Variants in EPB41L1 observed in about 807,000 individuals in gnomAD.
EPB41L1 encodes the protein band 4.1-like protein 1.
A neutral mutation model predicts 97.8 loss-of-function variants in EPB41L1; 29 were observed. The observed-to-expected ratio is 0.30, with a 90% CI of 0.22 to 0.40. EPB41L1 has a LOEUF of 0.40. Among genes scored for constraint, EPB41L1 ranks in the 10% least tolerant of loss-of-function variants. The pLI is 1.00. For missense variants in EPB41L1, 812 were observed against 1,162.3 expected, an observed-to-expected ratio of 0.70 and a Z score of 4.38; for synonymous variants, 383 against 459.2, an observed-to-expected ratio of 0.83 and a Z score of 2.12.
chr20:36,156,385 T>C (rs745892072), intron 1 of EPB41L1, among the ~76,000 whole-genome samples: 2 of 152,224 alleles, frequency 1.3e-5, no homozygotes, highest in Non-Finnish European at 2.9e-5. Flanking sequence ...GAAGAGCTTC[T>C]TCCATAGAAT....
In EPB41L1 at chr20:36,197,933, G is replaced by A. The variant is rs2062290866; in HGVS notation, c.1560G>A (p.Glu520=). ...SINELKRTLK[E]PNSKLIHRDR... ...ATGAGCTCAAAAGGACCCTGAAGGA[G>A]CCCAACAGCAAACTCATCCACCGGG... The change falls in exon 14 of 22, where the codon GAG becomes GAA. Residue 520 remains glutamate (E), a synonymous_variant. Transcript: ENST00000338074. 2 of 1,614,138 alleles carry A rather than the reference G, an allele frequency of 1.2e-6. No individual in the cohort carries two copies. Among genetic ancestry groups the A allele is most frequent in the Admixed American group, 3.3e-5 (2 of 60,028 alleles).
At position 36,173,892 on chromosome 20, in the gene EPB41L1, CA is replaced by C; in HGVS notation, c.116del (p.His39ProfsTer23). 6.2e-7 allele frequency: 1 copy of C among 1,614,004 alleles called. No homozygotes were observed. Among genetic ancestry groups the C allele is most frequent in the Non-Finnish European group, 8.5e-7 (1 of 1,179,946 alleles). ...CCCTGTGACCCCTGCAGGCCACGGC[CA>C]CCCAGAGGCCAACTCCAATGAGAAG... ...TTPVTPAGHG[H>X]PEANSNEKHP... On this transcript the variant is annotated frameshift_variant, in exon 2 of 22. Transcript: ENST00000338074. LOFTEE classifies it high-confidence loss of function.
chr20:36,147,731 G>GAC (rs1177214079), intron 2 of EPB41L1, among the ~76,000 whole-genome samples: 1 of 152,146 alleles, frequency 6.6e-6, no homozygotes, highest in African/African-American at 2.4e-5. Context: ...TGGGACCAGG[G>GAC]ACACACACAC....
At position 36,178,174 on chromosome 20, in the gene EPB41L1, C is replaced by T. The variant is rs79813798; in HGVS notation, c.447+118C>T. The T allele has an allele frequency of 2.1e-3, 1,688 of 812,212 alleles. 21 individuals carry two copies. The African/African-American group carries it at 0.025, about 12-fold the overall frequency. The allele number at this position is 812,212 out of a possible 1,614,324, so 50.3% of individuals were successfully genotyped here. Reference sequence around the variant, plus strand: ...ATTAAGCATCTTCTGTTTGCGTGTCCCCAAGGCTCAACCAGCCCTATCCAC... The same window carrying T: ...ATTAAGCATCTTCTGTTTGCGTGTCTCCAAGGCTCAACCAGCCCTATCCAC... On this transcript the variant is annotated intron_variant, in intron 4 of 21. Transcript: ENST00000338074.
chr20:36,117,461 C>T (rs2058622226), intron 2 of EPB41L1, among the ~76,000 whole-genome samples: 1 of 152,190 alleles, frequency 6.6e-6, no homozygotes, highest in Non-Finnish European at 1.5e-5. Context: ...CCTTCAACCC[C>T]ATGGCCCTTA....
At chr20:36,097,872 C>T (rs992002526) in intron 1 of EPB41L1, among the ~76,000 whole-genome samples, 1 of 152,198 alleles carries the variant, frequency 6.6e-6, no homozygotes, top group Non-Finnish European at 1.5e-5. Flanking sequence ...AGGGACAGAT[C>T]TGGTGCAGGC....
chr20:36,222,634 C>T (rs1767969848), intron 21 of EPB41L1, among the ~76,000 whole-genome samples: 1 of 151,952 alleles, frequency 6.6e-6, no homozygotes, highest in Admixed American at 6.6e-5. Flanking sequence ...GCTCCAGATC[C>T]AGAAAAATAA....
chr20:36,134,616 C>T (rs1305153244), intron 2 of EPB41L1, among the ~76,000 whole-genome samples: 1 of 152,086 alleles, frequency 6.6e-6, no homozygotes, highest in Non-Finnish European at 1.5e-5. Flanking sequence ...GAACAACTTA[C>T]CCAGGCCATG....
chr20:36,183,724 A>G (rs1212397250), intron 6 of EPB41L1, among the ~76,000 whole-genome samples: 1 of 152,238 alleles, frequency 6.6e-6, no homozygotes, highest in Non-Finnish European at 1.5e-5. Flanking sequence ...AAGATTGGTC[A>G]GAATATTTGG....
chr20:36,179,977 C>T lies in EPB41L1; in HGVS notation c.490+1305C>T, dbSNP rs780810788. Reference sequence around the variant, plus strand: ...AGGGATCGGAAAACATATAGGCAGCCGAGTGTGTGGTGTTTGGTCAGGACC... The same window carrying T: ...AGGGATCGGAAAACATATAGGCAGCTGAGTGTGTGGTGTTTGGTCAGGACC... On this transcript the variant is annotated intron_variant, in intron 5 of 21. Coordinates refer to ENST00000338074, the MANE Select transcript of EPB41L1 (RefSeq NM_012156.2). Among the ~76,000 whole-genome samples, 6 of 152,238 alleles carry T rather than the reference C, an allele frequency of 3.9e-5. No individual in the cohort carries two copies. The East Asian group carries it at 7.7e-4, about 20-fold the overall frequency.
rs984096395 is a variant in EPB41L1 at position 36,230,193 on chromosome 20, G to A, written c.*853G>A. ...AGCAAGAACAGAAAACGAAGCCACA[G>A]GAAGGGAAGTAGACATTGTATGCTT... On this transcript the variant is annotated 3_prime_UTR_variant, in exon 22 of 22. Transcript: ENST00000338074. 2 of 152,546 alleles carry A rather than the reference G, an allele frequency of 1.3e-5. No individual in the cohort carries two copies. Among genetic ancestry groups the A allele is most frequent in the Non-Finnish European group, 2.9e-5 (2 of 68,096 alleles). The allele number at this position is 152,546 out of a possible 1,614,324, so 9.4% of individuals were successfully genotyped here.
At chr20:36,096,629 G>C (rs1280639990) in intron 1 of EPB41L1, among the ~76,000 whole-genome samples, 1 of 152,138 alleles carries the variant, frequency 6.6e-6, no homozygotes. Context: ...TCTCAGGGGG[G>C]CCTTTGCCAA....
At chr20:36,136,439 C>CA (rs1442575525) in intron 2 of EPB41L1, among the ~76,000 whole-genome samples, 2 of 151,444 alleles carry the variant, frequency 1.3e-5, no homozygotes, top group African/African-American at 4.9e-5. Flanking sequence ...CTCAGCCTCC[C>CA]ACAGTGCTGA....
At chr20:36,114,462 A>T (rs886910754) in intron 2 of EPB41L1, among the ~76,000 whole-genome samples, 2 of 152,124 alleles carry the variant, frequency 1.3e-5, no homozygotes, top group South Asian at 2.1e-4. Context: ...TGCCACATAC[A>T]CAAGAGTAGT....
intron 8 of EPB41L1, 131 bp downstream of exon 8, chr20:36,187,894 C>A (rs1600824846): frequency 1.3e-6 from 1 of 776,508 alleles, no homozygotes; most frequent in East Asian, 2.7e-5. Context: ...TTCTCATTCT[C>A]ATTTCTCGAA....
intron 14 of EPB41L1, among the ~76,000 whole-genome samples, chr20:36,202,361 A>G (rs1418126601): frequency 6.6e-6 from 1 of 152,190 alleles, no homozygotes; most frequent in Non-Finnish European, 1.5e-5. Context: ...GGTGCCCGCT[A>G]CCGCTCTGCA....
Position 36,207,040 on chromosome 20 carries a change from G to A in EPB41L1, c.1669-2448G>A. On this transcript the variant is annotated intron_variant, in intron 14 of 21. Coordinates refer to ENST00000338074, the MANE Select transcript of EPB41L1 (RefSeq NM_012156.2). This position sits in a 1 kb window ranked among gnomAD's most constrained non-coding sequence, Gnocchi z 4.9. ...CCAGAAAGGAGGGGCTGAGCTGAAG[G>A]ACCGCGAGGCTTCAGCATTTCTTCA... 7.8e-7 allele frequency: 1 copy of A among 1,289,846 alleles called. No individual in the cohort carries two copies. The highest frequency in any genetic ancestry group is 1.0e-6 in the Non-Finnish European group (1 of 988,862). 79.9% of individuals were successfully genotyped at this position (1,289,846 alleles called of 1,614,324 possible).
chr20:36,177,648 A>AGG (rs2061304786), intron 3 of EPB41L1, among the ~76,000 whole-genome samples: 1 of 152,244 alleles, frequency 6.6e-6, no homozygotes, highest in African/African-American at 2.4e-5. Context: ...AATCACTAAA[A>AGG]AGGAAGGAGA....
At chr20:36,189,848 T>C (rs2061869267) in intron 9 of EPB41L1, among the ~76,000 whole-genome samples, 2 of 152,202 alleles carry the variant, frequency 1.3e-5, no homozygotes, top group South Asian at 4.1e-4. Context: ...AAGGGCTCAA[T>C]CACCCTTATT....
Sources: gnomAD v4.1 joint callset for allele counts (sites outside exome capture counted in the v4.1 genomes callset) on GRCh38, gnomAD v4.1.1 for gene constraint, Gnocchi (gnomAD v3.1) non-coding constraint, MANE v1.5 for transcripts, NCBI Gene and HGNC (gene_info 2026-07-23, HGNC 2026-07-21) for gene names.